PLIN4: variants seen among roughly 807,000 people sequenced by gnomAD.
PLIN4 encodes the protein perilipin 4, also known as perilipin-4.
In PLIN4, 57 loss-of-function variants were observed where a neutral mutation model predicts 52.4. The observed-to-expected ratio is 1.09, with a 90% confidence interval of 0.88 to 1.36. PLIN4 has a LOEUF of 1.36. Among genes scored for constraint, PLIN4 ranks in the 40% most tolerant of loss-of-function variants. The pLI is 0.00. For synonymous variants in PLIN4, 826 were observed against 785.4 expected, an observed-to-expected ratio of 1.05 and a Z score of -0.86; for missense variants, 1,757 against 1,770.3, an observed-to-expected ratio of 0.99 and a Z score of 0.13.
chr19:4,505,489 G>C (rs1976064961), intron 6 of PLIN4, among the ~76,000 whole-genome samples: 1 of 152,194 alleles, frequency 6.6e-6, no homozygotes, highest in Admixed American at 6.5e-5. Flanking sequence ...CCATGGTGTG[G>C]CAGCCCCAGT....
chr19:4,508,978 C>G (rs1293847787), intron 5 of PLIN4, 23 bp from the exon 6 acceptor site: 1 of 1,598,742 alleles, frequency 6.3e-7, no homozygotes. Context: ...GCGCACCGCT[C>G]AGTCCCGGAA....
At chr19:4,516,699 C>T (rs1976592934) in intron 3 of PLIN4, 21 bp from the exon 4 acceptor site, 1 of 1,573,794 alleles carries the variant, frequency 6.4e-7, no homozygotes, top group African/African-American at 1.4e-5. Context: ...AGGGGCCGGT[C>T]AGGGAGAGTG....
chr19:4,506,534 C>G (rs1360328309), intron 6 of PLIN4, among the ~76,000 whole-genome samples: 1 of 152,180 alleles, frequency 6.6e-6, no homozygotes, highest in African/African-American at 2.4e-5. Context: ...CGCCCCCCAC[C>G]CCCCAAGGGC....
chr19:4,508,093 G>A (rs1007316407), intron 6 of PLIN4, among the ~76,000 whole-genome samples: 3 of 152,016 alleles, frequency 2.0e-5, no homozygotes, highest in Non-Finnish European at 4.4e-5. Flanking sequence ...TCCATTCCCC[G>A]AACACACCCA....
At position 4,502,782 on chromosome 19, in the gene PLIN4, GCAAGT is replaced by G. The variant is rs2145233955; in HGVS notation, c.*1672_*1676del. The G allele has an allele frequency of 6.5e-6, 1 of 153,074 alleles. No homozygotes were observed. The highest frequency in any genetic ancestry group is 1.9e-4 in the East Asian group (1 of 5,186). 9.5% of individuals were successfully genotyped at this position (153,074 alleles called of 1,614,324 possible). On this transcript the variant is annotated 3_prime_UTR_variant, in exon 8 of 8. Coordinates refer to ENST00000301286, the MANE Select transcript of PLIN4 (RefSeq NM_001367868.2). ...GGCTGTCACGTGGGCACGGTCCCAA[GCAAGT>G]CACCCCGTGCTCCGAAGTTGCTCAT...
rs769428390 is a variant in PLIN4, at chr19:4,513,474, C to T, written c.486G>A (p.Lys162=). The stretch of plus-strand genomic sequence containing the variant: ...TGTCCTTGGTGCCGGTGAGGACAGC[C>T]TTCGAGGTGTCCAGACCCCCTTGGA... The part of the protein sequence containing the change: ...GAVQGGLDTS[K]AVLTGTKDTV... The change falls in exon 5 of 8, where the codon AAG becomes AAA. Residue 162 remains lysine, a synonymous_variant. Coordinates refer to ENST00000301286, the MANE Select transcript of PLIN4 (RefSeq NM_001367868.2). 2 of 1,613,356 alleles carry T rather than the reference C, an allele frequency of 1.2e-6. No homozygotes were observed. Among genetic ancestry groups the T allele is most frequent in the South Asian group, 1.1e-5 (1 of 91,082 alleles).
chr19:4,510,467 G>A lies in PLIN4; in HGVS notation c.3493C>T (p.Pro1165Ser). Residue 1165 changes from proline (P) to serine (S), a missense_variant, in exon 5 of 8, where the codon CCC becomes TCC. Coordinates refer to ENST00000301286, the MANE Select transcript of PLIN4 (RefSeq NM_001367868.2). ...ELEGLGDIFH[P>S]MNAEEQAQLA... ...TCACCTTGCTCCTCCGCATTCATGG[G>A]GTGGAAGATGTCCCCCAGCCCCTCC... 1 of 1,436,692 alleles carries A rather than the reference G, an allele frequency of 7.0e-7. No individual in the cohort carries two copies. The highest frequency in any genetic ancestry group is 9.2e-7 in the Non-Finnish European group (1 of 1,092,422). The allele number at this position is 1,436,692 out of a possible 1,614,324, so 89.0% of individuals were successfully genotyped here. A position where few individuals can be genotyped will look rare whatever the true frequency, so the allele number is the denominator to read the frequency against.
At chr19:4,515,912 G>A (rs960549122) in intron 4 of PLIN4, among the ~76,000 whole-genome samples, 15 of 152,178 alleles carry the variant, frequency 9.9e-5, no homozygotes, top group Admixed American at 9.2e-4. Flanking sequence ...CCCGACACTC[G>A]CTGTGTGGCC....
rs746527653 is a variant in PLIN4 at position 4,510,514 on chromosome 19, A to G, written c.3446T>C (p.Leu1149Ser). The change falls in exon 5 of 8, where the codon TTG (leucine) becomes TCG (serine). Residue 1149 changes from leucine (L) to serine (S), a missense_variant. Physicochemically the swap from Leu to Ser is moderately radical, Grantham distance 145. Transcript: ENST00000301286. ...CTCCAACTCATTCTGCAGCATTGCC[A>G]AGCGTGGGGCTTCTTCGGGGCCGTG... ...TTHGPEEAPR[L>S]AMLQNELEGL... 4 of 1,477,588 alleles carry G rather than the reference A, an allele frequency of 2.7e-6. No homozygotes were observed. The highest frequency in any genetic ancestry group is 3.0e-5 in the South Asian group (2 of 66,302). The allele number at this position is 1,477,588 out of a possible 1,614,324, so 91.5% of individuals were successfully genotyped here. A position where few individuals can be genotyped will look rare whatever the true frequency, so the allele number is the denominator to read the frequency against.
Position 4,518,150 on chromosome 19 carries a change from T to C in PLIN4, c.51+72A>G, listed in dbSNP as rs151050930. 4.9e-5 allele frequency: 58 copies of C among 1,177,846 alleles called. No individual in the cohort carries two copies. In the East Asian group the frequency reaches 1.6e-3, roughly 32 times the overall value. The allele number at this position is 1,177,846 out of a possible 1,614,324, so 73.0% of individuals were successfully genotyped here. A position where few individuals can be genotyped will look rare whatever the true frequency, so the allele number is the denominator to read the frequency against. On this transcript the variant is annotated intron_variant, in intron 2 of 7. Coordinates refer to ENST00000301286, the MANE Select transcript of PLIN4 (RefSeq NM_001367868.2). ...CTCCAGATTCGAGACCCCAGGACTG[T>C]GGAGGTCACCTTCCCCGGCTCTGGG...
chr19:4,517,494 TC>T, intron 3 of PLIN4, 59 bp downstream of exon 3: 1 of 1,544,092 alleles, frequency 6.5e-7, no homozygotes, highest in South Asian at 1.2e-5. Context: ...CCCGGGGAGC[TC>T]CTTCTCCCAG....
intron 6 of PLIN4, among the ~76,000 whole-genome samples, chr19:4,507,169 T>G (rs940489035): frequency 2.0e-5 from 3 of 152,226 alleles, no homozygotes; most frequent in African/African-American, 7.2e-5. Context: ...ACCCCGGATG[T>G]TGATGGAAAA....
rs560959204 is a variant in PLIN4, at chr19:4,516,851, C to G, written c.197-173G>C. On this transcript the variant is annotated intron_variant, in intron 3 of 7. Transcript: ENST00000301286. ...GCTACCAGCCAGACCTGGTCACCCC[C>G]CAACCCCGCTGGGGGCTCCCCCCAA... Among the ~76,000 whole-genome samples the G allele has an allele frequency of 4.1e-4, 62 of 152,378 alleles. 1 individual carries two copies. The highest frequency in any genetic ancestry group is 1.4e-3 in the African/African-American group (60 of 41,590).
chr19:4,507,310 G>A (rs916485908), intron 6 of PLIN4, among the ~76,000 whole-genome samples: 21 of 152,236 alleles, frequency 1.4e-4, no homozygotes, highest in Non-Finnish European at 2.8e-4. Context: ...GGTGGCTCAC[G>A]CCTGTCATCC....
In PLIN4 at chr19:4,516,689, A is replaced by G; in HGVS notation, c.197-11T>C. The G allele has an allele frequency of 3.8e-6, 6 of 1,586,746 alleles. No homozygotes were observed. The highest frequency in any genetic ancestry group is 5.1e-6 in the Non-Finnish European group (6 of 1,167,152). On this transcript the variant is annotated splice_polypyrimidine_tract_variant and intron_variant, in intron 3 of 7. Coordinates refer to ENST00000301286, the MANE Select transcript of PLIN4 (RefSeq NM_001367868.2). ...CTGGGTGGGCAGCCACTGTGGGGAC[A>G]GGGGCCGGTCAGGGAGAGTGAGGGA...
rs1976274920 is a variant in PLIN4 at position 4,510,731 on chromosome 19, C to T, written c.3229G>A (p.Gly1077Arg). The change falls in exon 5 of 8, where the codon GGG (glycine) becomes AGG (arginine). Residue 1077 changes from glycine to arginine, a missense_variant. This residue lies in a region of PLIN4 where 712 missense variants were observed against 637.1 expected (regional missense o/e 1.12). Coordinates refer to ENST00000301286, the MANE Select transcript of PLIN4 (RefSeq NM_001367868.2). ...LTSSRTTDNG[G>R]EQTALSPQEA... ...TGGGGGCTCAGGGCAGTCTGCTCCC[C>T]ACCATTGTCTGTGGTCCTGGAACTG... 2 of 1,546,472 alleles carry T rather than the reference C, an allele frequency of 1.3e-6. No individual in the cohort carries two copies. Among genetic ancestry groups the T allele is most frequent in the Non-Finnish European group, 1.7e-6 (2 of 1,147,206 alleles).
At chr19:4,506,140 C>T (rs1439865654) in intron 6 of PLIN4, among the ~76,000 whole-genome samples, 1 of 152,108 alleles carries the variant, frequency 6.6e-6, no homozygotes, top group African/African-American at 2.4e-5. Context: ...TAAATGAAAC[C>T]CACCTTGGAT....
In PLIN4 at chr19:4,502,235, T is replaced by G; in HGVS notation, c.*2224A>C. On this transcript the variant is annotated 3_prime_UTR_variant, in exon 8 of 8. Coordinates refer to ENST00000301286, the MANE Select transcript of PLIN4 (RefSeq NM_001367868.2). ...AATCACTTTTATTGGCTTGGTTTTC[T>G]AGCATTGCTGGTGCAGTGGGGGCCT... is the stretch of plus-strand genomic sequence containing the variant. 1 of 625,798 alleles carries G rather than the reference T, an allele frequency of 1.6e-6. No individual in the cohort carries two copies. Among genetic ancestry groups the G allele is most frequent in the Middle Eastern group, 2.9e-4 (1 of 3,420 alleles). The allele number at this position is 625,798 out of a possible 1,614,324, so 38.8% of individuals were successfully genotyped here.
intron 6 of PLIN4, among the ~76,000 whole-genome samples, 173 bp downstream of exon 6, chr19:4,508,595 G>A (rs1976171462): frequency 6.6e-6 from 1 of 152,224 alleles, no homozygotes; most frequent in African/African-American, 2.4e-5. Flanking sequence ...ATCTGATCTA[G>A]CTCCGTCCCC....
Sources: gnomAD v4.1 joint callset for allele counts (sites outside exome capture counted in the v4.1 genomes callset) on GRCh38, gnomAD v4.1.1 for gene constraint, gnomAD v4.1.1 regional missense constraint, MANE v1.5 for transcripts, NCBI Gene and HGNC (gene_info 2026-07-23, HGNC 2026-07-21) for gene names.